The following RAPGEF2 variants were observed in gnomAD, a reference collection of about 807,000 sequenced individuals.
RAPGEF2 encodes the protein PDZ domain containing guanine nucleotide exchange factor (GEF) 1.
Under a neutral mutation model 186.7 loss-of-function variants are expected in RAPGEF2, and 54 were observed. The ratio of observed to expected loss-of-function variants is 0.29; its 90% CI spans 0.23 to 0.36. The LOEUF is 0.36. Ranked by LOEUF, RAPGEF2 falls within the 10% of genes least tolerant of loss-of-function variation. RAPGEF2 has a pLI of 1.00. For synonymous variants in RAPGEF2, 712 were observed against 705.9 expected, an observed-to-expected ratio of 1.01 and a Z score of -0.14; for missense variants, 1,532 against 2,045.0, an observed-to-expected ratio of 0.75 and a Z score of 4.84.
intron 1 of RAPGEF2, among the ~76,000 whole-genome samples, chr4:159,172,384 C>T (rs528147959): frequency 6.6e-6 from 1 of 152,266 alleles, no homozygotes; most frequent in Admixed American, 6.5e-5. Flanking sequence ...CTCCTACCTT[C>T]CCTATTCATG....
chr4:159,340,779 C>CCACA (rs10562531), intron 19 of RAPGEF2, among the ~76,000 whole-genome samples: 1,900 of 106,114 alleles, frequency 0.018, 124 homozygotes, highest in African/African-American at 0.042. Flanking sequence ...ACCACCATCA[C>CCACA]CACACACACA....
intron 7 of RAPGEF2, among the ~76,000 whole-genome samples, chr4:159,297,221 T>C (rs1441253306): frequency 1.3e-5 from 2 of 152,090 alleles, no homozygotes; most frequent in Admixed American, 6.5e-5. Flanking sequence ...GCAAGGAACG[T>C]TTGAAATGCA....
In RAPGEF2 at chr4:159,348,630, C is replaced by T. The variant is rs116402715; in HGVS notation, c.3713-1507C>T. Among the ~76,000 whole-genome samples the T allele has an allele frequency of 3.3e-3, 502 of 152,178 alleles. 3 individuals are homozygous for T. The highest frequency in any genetic ancestry group is 0.011 in the African/African-American group (450 of 41,504). Reference sequence around the variant, plus strand: ...TTCCTGAATCCCCTGCAGTCTGTATCGTCTTTATGCAGAACTTCTCATATG... The same window carrying T: ...TTCCTGAATCCCCTGCAGTCTGTATTGTCTTTATGCAGAACTTCTCATATG... On this transcript the variant is annotated intron_variant, in intron 25 of 29. Coordinates refer to ENST00000691494, the MANE Select transcript of RAPGEF2 (RefSeq NM_001394067.2).
chr4:159,249,412 T>C (rs1054014934), intron 7 of RAPGEF2, among the ~76,000 whole-genome samples: 1 of 151,936 alleles, frequency 6.6e-6, no homozygotes, highest in African/African-American at 2.4e-5. Context: ...TATCAGGTGA[T>C]TGGAAATACT....
chr4:159,179,156 T>A (rs1746762827), intron 1 of RAPGEF2, among the ~76,000 whole-genome samples: 1 of 152,034 alleles, frequency 6.6e-6, no homozygotes, highest in African/African-American at 2.4e-5. Flanking sequence ...AAGCAACATG[T>A]TCCTGTTTGT....
intron 7 of RAPGEF2, among the ~76,000 whole-genome samples, chr4:159,279,408 T>A (rs773430351): frequency 1.3e-5 from 2 of 152,218 alleles, no homozygotes; most frequent in Non-Finnish European, 2.9e-5. Context: ...CTGTGGATTA[T>A]AATTCTAATC....
At chr4:159,259,951 T>C (rs1181971975) in intron 7 of RAPGEF2, among the ~76,000 whole-genome samples, 1 of 151,978 alleles carries the variant, frequency 6.6e-6, no homozygotes, top group Non-Finnish European at 1.5e-5. Context: ...AGAAGAAAAC[T>C]TCTATTGTCC....
At chr4:159,248,139 A>G (rs1218241820) in intron 7 of RAPGEF2, among the ~76,000 whole-genome samples, 4 of 152,194 alleles carry the variant, frequency 2.6e-5, no homozygotes, top group Admixed American at 2.0e-4. Flanking sequence ...TGTGGGCAGT[A>G]CTTTCTATTC....
intron 4 of RAPGEF2, among the ~76,000 whole-genome samples, chr4:159,237,970 A>G (rs2111463046): frequency 6.7e-6 from 1 of 149,406 alleles, no homozygotes; most frequent in Admixed American, 6.7e-5. Flanking sequence ...GTGAGCTGTG[A>G]TTGTGCCACT....
chr4:159,255,307 C>T (rs575596699), intron 7 of RAPGEF2, among the ~76,000 whole-genome samples: 4 of 152,042 alleles, frequency 2.6e-5, no homozygotes, highest in African/African-American at 9.6e-5. Flanking sequence ...ACTCCCCTTA[C>T]CTTATTTCTA....
In RAPGEF2 at chr4:159,360,120, C is replaced by CAT. The variant is rs1161853261; in HGVS notation, c.*1982_*1983insTA. On this transcript the variant is annotated 3_prime_UTR_variant, in exon 30 of 30. Transcript: ENST00000691494. ...TTTATGCTTCTACATCCAGTTTGTA[C>CAT]AAGCTGGAAAATAAATAAATATAAC... 3.9e-5 allele frequency: 6 copies of CAT among 152,142 alleles called. No individual in the cohort carries two copies. In the East Asian group the frequency reaches 7.7e-4, roughly 20 times the overall value. 9.4% of individuals were successfully genotyped at this position (152,142 alleles called of 1,614,324 possible). A position where few individuals can be genotyped will look rare whatever the true frequency, so the allele number is the denominator to read the frequency against.
intron 3 of RAPGEF2, among the ~76,000 whole-genome samples, chr4:159,205,443 C>T (rs1369104917): frequency 6.6e-6 from 1 of 152,128 alleles, no homozygotes; most frequent in Non-Finnish European, 1.5e-5. Context: ...ATGTTGAAAA[C>T]ATCCTAAGTC....
chr4:159,104,269 C>T, intron 1 of RAPGEF2, 38 bp downstream of exon 1: 1 of 1,118,818 alleles, frequency 8.9e-7, no homozygotes, highest in Non-Finnish European at 1.1e-6. Flanking sequence ...GGCCGGATTT[C>T]TGCCTCGCAG....
intron 1 of RAPGEF2, among the ~76,000 whole-genome samples, chr4:159,177,657 G>A (rs1157130659): frequency 1.3e-5 from 2 of 152,098 alleles, no homozygotes; most frequent in African/African-American, 2.4e-5. Flanking sequence ...ATAAAACACT[G>A]CAGCTTAACC....
chr4:159,170,420 T>C lies in RAPGEF2; in HGVS notation c.70-16222T>C, dbSNP rs144833642. 2.9e-4 allele frequency among the ~76,000 whole-genome samples: 44 copies of C among 152,170 alleles called. No homozygotes were observed. The South Asian group carries it at 6.8e-3, about 24-fold the overall frequency. On this transcript the variant is annotated intron_variant, in intron 1 of 29. Coordinates refer to ENST00000691494, the MANE Select transcript of RAPGEF2 (RefSeq NM_001394067.2). ...TTTTAAAAAACCAATAAACAAACAA[T>C]ACAACAGTAAAAACTAATACAGTAA...
At chr4:159,315,328 C>T (rs774462044) in intron 9 of RAPGEF2, among the ~76,000 whole-genome samples, 3 of 149,350 alleles carry the variant, frequency 2.0e-5, no homozygotes, top group Non-Finnish European at 3.0e-5. Flanking sequence ...ATTTTATGTT[C>T]AGGAGTACAA....
In RAPGEF2 at chr4:159,185,544, A is replaced by G. The variant is rs11942118; in HGVS notation, c.70-1098A>G. Among the ~76,000 whole-genome samples the G allele has an allele frequency of 3.3e-3, 498 of 152,332 alleles. 5 individuals are homozygous for G. The highest frequency in any genetic ancestry group is 0.012 in the African/African-American group (481 of 41,586). ...GATAAACCTTGAAAACATTGTGCTAAGTGAAGGAAGTTGTCCCCAAAGATC... is the reference window on the plus strand; with the variant it reads ...GATAAACCTTGAAAACATTGTGCTAGGTGAAGGAAGTTGTCCCCAAAGATC... On this transcript the variant is annotated intron_variant, in intron 1 of 29. Transcript: ENST00000691494.
intron 1 of RAPGEF2, among the ~76,000 whole-genome samples, chr4:159,132,130 T>C (rs1741181158): frequency 6.6e-6 from 1 of 152,212 alleles, no homozygotes; most frequent in African/African-American, 2.4e-5. Flanking sequence ...GAGGGGCTAG[T>C]TGGTCTAGAA....
chr4:159,341,991 AT>A, intron 20 of RAPGEF2, 44 bp downstream of exon 20: 1 of 1,513,632 alleles, frequency 6.6e-7, no homozygotes, highest in Non-Finnish European at 8.9e-7. Flanking sequence ...CAGTTCACAG[AT>A]TTAAAATATG....
Sources: allele counts gnomAD v4.1 joint callset (sites outside exome capture counted in the v4.1 genomes callset), GRCh38; gene constraint gnomAD v4.1.1; transcripts MANE v1.5; gene names NCBI Gene and HGNC (gene_info 2026-07-23, HGNC 2026-07-21).